Variants in ANGPT1 observed in about 807,000 individuals in gnomAD.
ANGPT1 encodes the protein angiopoietin 1.
Under a neutral mutation model 62.2 loss-of-function variants are expected in ANGPT1, and 17 were observed. The ratio of observed to expected loss-of-function variants is 0.27; its 90% CI spans 0.19 to 0.41. The LOEUF (loss-of-function observed/expected upper bound fraction) is 0.41. Among genes scored for constraint, ANGPT1 ranks in the 10% least tolerant of loss-of-function variants. The pLI, the probability that ANGPT1 is intolerant of heterozygous loss-of-function variation, is 1.00. For synonymous variants in ANGPT1, 199 were observed against 198.9 expected (o/e 1.00, Z 0.00); for missense variants, 478 against 594.9 (o/e 0.80, Z 2.04).
intron 1 of ANGPT1, among the ~76,000 whole-genome samples, chr8:107,384,607 T>G (rs1816699016): frequency 6.6e-6 from 1 of 152,068 alleles, no homozygotes; most frequent in Non-Finnish European, 1.5e-5. Context: ...TAAGTTTCAG[T>G]GTTTTGTAGT....
At chr8:107,312,497 T>C (rs1814898472) in intron 4 of ANGPT1, among the ~76,000 whole-genome samples, 1 of 152,232 alleles carries the variant, frequency 6.6e-6, no homozygotes, top group Non-Finnish European at 1.5e-5. Context: ...CAGATGTTTT[T>C]GAAAACTGAC....
chr8:107,465,992 C>T (rs899673045), intron 1 of ANGPT1, among the ~76,000 whole-genome samples: 5 of 152,186 alleles, frequency 3.3e-5, no homozygotes, highest in Non-Finnish European at 7.4e-5. Flanking sequence ...TCTGGTTAGC[C>T]GTTCCACTGT....
intron 1 of ANGPT1, among the ~76,000 whole-genome samples, chr8:107,438,666 A>G (rs1242851012): frequency 6.6e-6 from 1 of 152,116 alleles, no homozygotes; most frequent in Non-Finnish European, 1.5e-5. Flanking sequence ...ATTTTAGGCT[A>G]TGGTTATCAC....
intron 5 of ANGPT1, among the ~76,000 whole-genome samples, chr8:107,299,942 C>T (rs553417317): frequency 7.6e-6 from 1 of 131,142 alleles, no homozygotes; most frequent in South Asian, 2.4e-4. Flanking sequence ...GTAGTTATAT[C>T]TAGATATACT....
intron 1 of ANGPT1, among the ~76,000 whole-genome samples, chr8:107,383,807 A>G (rs1672148): frequency 0.48 from 72,419 of 151,922 alleles, 19,113 homozygotes; most frequent in Non-Finnish European, 0.59. Context: ...TAGCCCTGCA[A>G]GCATATTGTT....
chr8:107,473,315 A>G (rs889568116), intron 1 of ANGPT1, among the ~76,000 whole-genome samples: 1 of 152,076 alleles, frequency 6.6e-6, no homozygotes, highest in Non-Finnish European at 1.5e-5. Context: ...TCTTTTTCCT[A>G]TACAAGTCAC....
At chr8:107,265,566 C>CGT (rs1330651586) in intron 7 of ANGPT1, among the ~76,000 whole-genome samples, 3 of 152,164 alleles carry the variant, frequency 2.0e-5, no homozygotes, top group African/African-American at 7.2e-5. Context: ...TAGCCCCTCT[C>CGT]TCTCTAACTC....
chr8:107,453,810 C>T (rs543285589), intron 1 of ANGPT1, among the ~76,000 whole-genome samples: 226 of 150,398 alleles, frequency 1.5e-3, no homozygotes, highest in African/African-American at 5.3e-3. Context: ...AATGAGGTGG[C>T]GAAGTATATT....
At chr8:107,292,920 G>A (rs1814313314) in intron 6 of ANGPT1, among the ~76,000 whole-genome samples, 1 of 152,088 alleles carries the variant, frequency 6.6e-6, no homozygotes. Context: ...AAAAAGTCAA[G>A]ACAAGAATTA....
chr8:107,265,018 A>C (rs1331184950), intron 7 of ANGPT1, among the ~76,000 whole-genome samples: 1 of 152,208 alleles, frequency 6.6e-6, no homozygotes, highest in Non-Finnish European at 1.5e-5. Context: ...AAGAAAAGAA[A>C]ACAAAAATCT....
intron 1 of ANGPT1, among the ~76,000 whole-genome samples, chr8:107,473,513 C>G (rs889442940): frequency 6.6e-6 from 1 of 151,924 alleles, no homozygotes; most frequent in Non-Finnish European, 1.5e-5. Flanking sequence ...CTTAATGTAC[C>G]TTAATGCCTC....
chr8:107,397,388 T>C (rs1245024895), intron 1 of ANGPT1, among the ~76,000 whole-genome samples: 4 of 152,124 alleles, frequency 2.6e-5, no homozygotes, highest in Non-Finnish European at 5.9e-5. Context: ...CATACAAATA[T>C]TTCCCTTTTC....
chr8:107,257,570 C>A (rs1040057650), intron 8 of ANGPT1, among the ~76,000 whole-genome samples: 4 of 152,094 alleles, frequency 2.6e-5, no homozygotes, highest in African/African-American at 9.7e-5. Context: ...TTGTAGATTT[C>A]TTTTGTTCGT....
At position 107,497,524 on chromosome 8, in the gene ANGPT1, G is replaced by A; in HGVS notation, c.35C>T (p.Ala12Val). The change falls in exon 1 of 9, where the codon GCC becomes GTC. Residue 12 changes from alanine to valine, a missense_variant. Physicochemically the swap from Ala to Val is moderately conservative, Grantham distance 64. Transcript: ENST00000517746. ...GCTGCACCCTATGTGAGTCAGAATG[G>A]CAGCGAGGAAAGCAAAGGAAAGGAA... ...TVFLSFAFLA[A>V]ILTHIGCSNQ... 1 of 1,614,050 alleles carries A rather than the reference G, an allele frequency of 6.2e-7. No homozygotes were observed. The highest frequency in any genetic ancestry group is 2.2e-5 in the East Asian group (1 of 44,844).
At chr8:107,442,787 A>G (rs2130434910) in intron 1 of ANGPT1, among the ~76,000 whole-genome samples, 1 of 152,322 alleles carries the variant, frequency 6.6e-6, no homozygotes, top group Non-Finnish European at 1.5e-5. Context: ...GTATTGCTAA[A>G]ACTGTCCCAA....
chr8:107,467,226 C>G (rs75479360), intron 1 of ANGPT1, among the ~76,000 whole-genome samples: 7,974 of 151,818 alleles, frequency 0.053, 236 homozygotes, highest in South Asian at 0.11. Flanking sequence ...CATATTAAAT[C>G]CCTCTATCAA....
chr8:107,328,643 T>C (rs1385890166), intron 3 of ANGPT1, among the ~76,000 whole-genome samples: 1 of 151,738 alleles, frequency 6.6e-6, no homozygotes, highest in Non-Finnish European at 1.5e-5. Context: ...GTAGAAAAAA[T>C]GTTAAACATA....
intron 1 of ANGPT1, among the ~76,000 whole-genome samples, chr8:107,384,306 G>C (rs1466267030): frequency 6.6e-6 from 1 of 152,050 alleles, no homozygotes; most frequent in African/African-American, 2.4e-5. Context: ...GAACCTCTAA[G>C]TCACTTTTCT....
At chr8:107,281,710 G>A (rs1441583658) in intron 7 of ANGPT1, among the ~76,000 whole-genome samples, 2 of 152,118 alleles carry the variant, frequency 1.3e-5, no homozygotes, top group African/African-American at 2.4e-5. Context: ...CCGGTGAGGC[G>A]GAGGTTGCAG....
Sources: gnomAD v4.1 joint callset for allele counts (sites outside exome capture counted in the v4.1 genomes callset) on GRCh38, gnomAD v4.1.1 for gene constraint, MANE v1.5 for transcripts, NCBI Gene and HGNC (gene_info 2026-07-23, HGNC 2026-07-21) for gene names.